The following DIP2B variants were observed in gnomAD, a reference collection of about 807,000 sequenced individuals.
DIP2B encodes DIP2 acetate--CoA ligase B (putative), also known as disco-interacting protein 2 homolog B.
In DIP2B, 76 loss-of-function variants were observed where a neutral mutation model predicts 198.0. The observed-to-expected ratio is 0.38, with a 90% CI of 0.32 to 0.46. The LOEUF is 0.46. Ranked by LOEUF, DIP2B falls within the 20% of genes least tolerant of loss-of-function variation. The pLI is 0.99. For synonymous variants in DIP2B, 701 were observed against 739.1 expected, an observed-to-expected ratio of 0.95 and a Z score of 0.84; for missense variants, 1,559 against 1,978.4, an observed-to-expected ratio of 0.79 and a Z score of 4.02.
At position 50,734,667 on chromosome 12, in the gene DIP2B, C is replaced by T. The variant is rs961633316; in HGVS notation, c.4044-406C>T. Among the ~76,000 whole-genome samples, 5 of 152,160 alleles carry T rather than the reference C, an allele frequency of 3.3e-5. 1 individual carries two copies. The highest frequency in any genetic ancestry group is 2.9e-5 in the Non-Finnish European group (2 of 68,030). ...GCTCTAAGACTTCTCTTCCCAAGCC[C>T]CACTACCCTGGATGTGTTATCTGGA... On this transcript the variant is annotated intron_variant, in intron 33 of 37. Transcript: ENST00000301180.
At chr12:50,706,938 T>C (rs1183999370) in intron 21 of DIP2B, among the ~76,000 whole-genome samples, 1 of 152,208 alleles carries the variant, frequency 6.6e-6, no homozygotes, top group Non-Finnish European at 1.5e-5. Context: ...ATTTGTTGAA[T>C]CCTGAGGACT....
At chr12:50,574,715 ATC>A (rs1240794420) in intron 1 of DIP2B, among the ~76,000 whole-genome samples, 1 of 152,234 alleles carries the variant, frequency 6.6e-6, no homozygotes, top group African/African-American at 2.4e-5. Flanking sequence ...GAATGTTCCC[ATC>A]TGGTACTTCG....
At chr12:50,627,258 G>A (rs1205931347) in intron 2 of DIP2B, among the ~76,000 whole-genome samples, 1 of 152,110 alleles carries the variant, frequency 6.6e-6, no homozygotes, top group African/African-American at 2.4e-5. Flanking sequence ...ACTGTAAAAA[G>A]GACCACAGTT....
At chr12:50,725,622 T>A (rs4768908) in intron 28 of DIP2B, among the ~76,000 whole-genome samples, 1 of 152,154 alleles carries the variant, frequency 6.6e-6, no homozygotes, top group Admixed American at 6.5e-5. Context: ...ACACAAAGCT[T>A]CTAGCATGTA....
chr12:50,524,067 G>A (rs573414141), intron 1 of DIP2B, among the ~76,000 whole-genome samples: 6 of 152,286 alleles, frequency 3.9e-5, no homozygotes, highest in African/African-American at 1.4e-4. Flanking sequence ...ATTTGGAGCT[G>A]AAAGGCCATA....
intron 1 of DIP2B, 101 bp from the exon 2 acceptor site, chr12:50,625,875 T>G: frequency 1.2e-4 from 138 of 1,163,064 alleles, no homozygotes; most frequent in East Asian, 6.6e-4. Flanking sequence ...CCTGCCTCTA[T>G]ATGGGGTAGT....
chr12:50,549,401 G>A (rs1485801617), intron 1 of DIP2B, among the ~76,000 whole-genome samples: 4 of 152,072 alleles, frequency 2.6e-5, no homozygotes, highest in African/African-American at 9.7e-5. Context: ...ATGGTGGCGG[G>A]TGCCTGTAGT....
chr12:50,676,217 G>C (rs761681537), intron 7 of DIP2B, among the ~76,000 whole-genome samples: 1 of 152,196 alleles, frequency 6.6e-6, no homozygotes, highest in Non-Finnish European at 1.5e-5. Context: ...GATGACGATA[G>C]ATCTAGACAA....
At chr12:50,528,791 A>G (rs926971131) in intron 1 of DIP2B, among the ~76,000 whole-genome samples, 1 of 152,228 alleles carries the variant, frequency 6.6e-6, no homozygotes, top group Admixed American at 6.5e-5. Flanking sequence ...TTAGCAAGAA[A>G]TCTAGAGAAG....
chr12:50,572,535 A>G (rs1958623673), intron 1 of DIP2B, among the ~76,000 whole-genome samples: 1 of 152,204 alleles, frequency 6.6e-6, no homozygotes, highest in Non-Finnish European at 1.5e-5. Flanking sequence ...GGCTCCTGCT[A>G]GATGCTTTGA....
rs59566626 is a variant in DIP2B at position 50,742,394 on chromosome 12, C to CAAAAAAAAAAAAAAAAAAA, written c.4478+865_4478+883dup. ...CCCTGGTGACAGACTGAGACTGTCT[C>CAAAAAAAAAAAAAAAAAAA]AAAAAAAAAAAAAAAAAAAAAAAAA... On this transcript the variant is annotated intron_variant, in intron 37 of 37. Transcript: ENST00000301180. 2.3e-4 allele frequency among the ~76,000 whole-genome samples: 11 copies of CAAAAAAAAAAAAAAAAAAA among 47,474 alleles called. 1 individual carries two copies. The highest frequency in any genetic ancestry group is 1.0e-3 in the East Asian group (1 of 974). The allele number at this position is 47,474 out of a possible 152,430, so 31.1% of individuals were successfully genotyped here.
intron 12 of DIP2B, among the ~76,000 whole-genome samples, chr12:50,689,126 A>C (rs1439455080): frequency 1.3e-5 from 2 of 152,160 alleles, no homozygotes; most frequent in East Asian, 3.9e-4. Flanking sequence ...GGCTGGGCGC[A>C]GTGGCTCACC....
rs1463173391 is a variant in DIP2B, at chr12:50,698,484, A to G, written c.2188+17A>G. ...TGCCTGGTGGTGAGTCGCAAGGAGCATCATTTGGTTTTTCATAAAGATTTG... is the reference window on the plus strand; with the variant it reads ...TGCCTGGTGGTGAGTCGCAAGGAGCGTCATTTGGTTTTTCATAAAGATTTG... On this transcript the variant is annotated intron_variant, in intron 18 of 37. Transcript: ENST00000301180. 8 of 1,596,756 alleles carry G rather than the reference A, an allele frequency of 5.0e-6. No homozygotes were observed. The highest frequency in any genetic ancestry group is 6.0e-6 in the Non-Finnish European group (7 of 1,171,906).
intron 7 of DIP2B, among the ~76,000 whole-genome samples, chr12:50,677,561 G>A (rs1938968587): frequency 6.6e-6 from 1 of 152,174 alleles, no homozygotes; most frequent in South Asian, 2.1e-4. Context: ...GTTGCAGTGA[G>A]CCGAGATCGC....
At chr12:50,660,435 A>C (rs1592114927) in intron 4 of DIP2B, 116 bp downstream of exon 4, 1 of 1,218,054 alleles carries the variant, frequency 8.2e-7, no homozygotes, top group South Asian at 2.2e-5. Flanking sequence ...CATTAGAGGA[A>C]TGTAAGAGAA....
At chr12:50,653,341 C>CTTTTTTTTTTTTTT (rs1323702401) in intron 3 of DIP2B, among the ~76,000 whole-genome samples, 33 of 70,058 alleles carry the variant, frequency 4.7e-4, no homozygotes, top group Non-Finnish European at 8.3e-4. Context: ...TTTTTTTTTT[C>CTTTTTTTTTTTTTT]TTTTCTTTTT....
chr12:50,627,183 C>T (rs1461404059), intron 2 of DIP2B, among the ~76,000 whole-genome samples: 1 of 152,172 alleles, frequency 6.6e-6, no homozygotes, highest in East Asian at 1.9e-4. Flanking sequence ...TGGCCCATGC[C>T]TCTGAAGGCC....
In DIP2B at chr12:50,697,168, A is replaced by G. The variant is rs772446922; in HGVS notation, c.2041A>G (p.Ile681Val). Residue 681 changes from isoleucine to valine, a missense_variant, in exon 17 of 38, where the codon ATC (isoleucine) becomes GTC (valine). Physicochemically the swap from Ile to Val is conservative, Grantham distance 29. Transcript: ENST00000301180. Reference sequence around the variant, plus strand: ...GTCTGCTGAAGCCATGACTGTAGCAATCCGCAGGTACTGTTCAGGATGTCA... The same window carrying G: ...GTCTGCTGAAGCCATGACTGTAGCAGTCCGCAGGTACTGTTCAGGATGTCA... ...ATSAEAMTVA[I>V]RRPGVPGAPL... The G allele has an allele frequency of 1.6e-5, 26 of 1,613,796 alleles. No homozygotes were observed. Among genetic ancestry groups the G allele is most frequent in the Admixed American group, 1.5e-4 (9 of 59,968 alleles).
chr12:50,683,109 G>T, intron 9 of DIP2B, 29 bp from the exon 10 acceptor site: 3 of 1,558,222 alleles, frequency 1.9e-6, no homozygotes, highest in Non-Finnish European at 2.6e-6. Context: ...TTATTCCTCT[G>T]TTAAACTGAA....
Sources: allele counts gnomAD v4.1 joint callset (sites outside exome capture counted in the v4.1 genomes callset), GRCh38; gene constraint gnomAD v4.1.1; transcripts MANE v1.5; gene names NCBI Gene and HGNC (gene_info 2026-07-23, HGNC 2026-07-21).